The following UNC45A variants were observed in gnomAD, a reference collection of about 807,000 sequenced individuals.
The protein encoded by UNC45A is protein unc-45 homolog A.
A neutral mutation model predicts 103.2 loss-of-function variants in UNC45A; 78 were observed. The observed-to-expected ratio is 0.76, with a 90% CI of 0.63 to 0.91. The LOEUF (loss-of-function observed/expected upper bound fraction) is 0.91, where lower values mean the gene tolerates loss of function less well. Among genes scored for constraint, UNC45A ranks in the 40% least tolerant of loss-of-function variants. UNC45A has a pLI of 0.00. For missense variants in UNC45A, 1,193 were observed against 1,224.8 expected, an observed-to-expected ratio of 0.97 and a Z score of 0.39; for synonymous variants, 495 against 504.6, an observed-to-expected ratio of 0.98 and a Z score of 0.25.
Position 90,935,998 on chromosome 15 carries a change from GC to G in UNC45A, c.250+19del, listed in dbSNP as rs1408728044. On this transcript the variant is annotated intron_variant, in intron 3 of 19. Transcript: ENST00000418476. ...GCATCCAAAGGTAGGGGAATGGTGGGCCCTGGTGTGGAGCTGTAGGGCTTCT... is the reference window on the plus strand; with the variant it reads ...GCATCCAAAGGTAGGGGAATGGTGGGCCTGGTGTGGAGCTGTAGGGCTTCT... 1.2e-6 allele frequency: 2 copies of G among 1,613,954 alleles called. No homozygotes were observed. Among genetic ancestry groups the G allele is most frequent in the African/African-American group, 1.3e-5 (1 of 75,032 alleles).
chr15:90,931,987 G>T (rs868576419), upstream of UNC45A: 2 of 1,613,936 alleles, frequency 1.2e-6, no homozygotes, highest in Middle Eastern at 3.3e-4. Flanking sequence ...TCAGCCAAGG[G>T]TTGCCCATTG....
rs1199422464 is a variant in UNC45A, at chr15:90,948,788, C to T, written c.1872C>T (p.His624=). Residue 624 remains histidine (H), a synonymous_variant, in exon 13 of 20, where the codon CAC becomes CAT. Transcript: ENST00000418476. ...KYAKQHVPEQ[H]PKDKPSFVRA... ...CCAAGCAGCATGTGCCCGAGCAGCA[C>T]CCCAAGGTGAGGGGCCGCCAGAGGG... 3.7e-6 allele frequency: 6 copies of T among 1,604,414 alleles called. No homozygotes were observed. In the Admixed American group the frequency reaches 6.9e-5, roughly 18 times the overall value.
chr15:90,931,741 C>T (rs1253186427), upstream of UNC45A: 7 of 1,614,020 alleles, frequency 4.3e-6, no homozygotes, highest in South Asian at 4.4e-5. Flanking sequence ...TCAGATTGTA[C>T]AGCTTGTCTG....
At position 90,935,445 on chromosome 15, in the gene UNC45A, A is replaced by C. The variant is rs796295629; in HGVS notation, c.51+70A>C. On this transcript the variant is annotated intron_variant, in intron 1 of 19. Transcript: ENST00000418476. ...GACCATCCCTGGCCTCCTTCTCCCC[A>C]TCCATGAGGCTCGCCCCGATCCCTC... The C allele has an allele frequency of 3.2e-6, 5 of 1,570,798 alleles. No homozygotes were observed. The African/African-American group carries it at 6.9e-5, about 22-fold the overall frequency.
upstream of UNC45A, chr15:90,932,161 G>A (rs1348299765): frequency 3.2e-6 from 5 of 1,540,484 alleles, no homozygotes; most frequent in South Asian, 2.5e-5. Context: ...GTCCCAAGGC[G>A]GTGTGTTGTG....
rs1370216230 is a variant in UNC45A, at chr15:90,950,524, G to A, written c.2212G>A (p.Val738Ile). 8.1e-6 allele frequency: 13 copies of A among 1,613,990 alleles called. No homozygotes were observed. Among genetic ancestry groups the A allele is most frequent in the African/African-American group, 1.3e-5 (1 of 74,918 alleles). The change falls in exon 17 of 20, where the codon GTC becomes ATC. Residue 738 changes from valine to isoleucine, a missense_variant. Val to Ile is a conservative substitution (Grantham distance 29, BLOSUM62 3). Transcript: ENST00000418476. ...GATCTATGAGGTGGTCCGGCCCCTCGTCTCCCTGTTGCACCTCAACTGCTC... is the reference window on the plus strand; with the variant it reads ...GATCTATGAGGTGGTCCGGCCCCTCATCTCCCTGTTGCACCTCAACTGCTC... The part of the protein sequence containing the change: ...ERIYEVVRPL[V>I]SLLHLNCSGL...
intron 8 of UNC45A, among the ~76,000 whole-genome samples, chr15:90,943,909 G>T (rs888055132): frequency 6.7e-6 from 1 of 149,032 alleles, no homozygotes; most frequent in African/African-American, 2.5e-5. Context: ...GGCTGGTCTC[G>T]AACTCCTGAC....
rs1056332922 is a variant in UNC45A at position 90,940,194 on chromosome 15, C to A, written c.520-112C>A. ...AGAGGTTATTTTTTGGCCGTGGTCA[C>A]TCAACTGTGAAGTGGAAGCAGAGAG... is the stretch of plus-strand genomic sequence containing the variant. On this transcript the variant is annotated intron_variant, in intron 5 of 19. Transcript: ENST00000418476. 1.6e-5 allele frequency: 20 copies of A among 1,255,050 alleles called. No individual in the cohort carries two copies. The African/African-American group carries it at 2.7e-4, about 17-fold the overall frequency. 77.7% of individuals were successfully genotyped at this position (1,255,050 alleles called of 1,614,324 possible). A position where few individuals can be genotyped will look rare whatever the true frequency, so the allele number is the denominator to read the frequency against.
At chr15:90,939,656 G>C in intron 4 of UNC45A, 75 bp from the exon 5 acceptor site, 1 of 1,505,186 alleles carries the variant, frequency 6.6e-7, no homozygotes, top group South Asian at 1.1e-5. Context: ...TGAGGAGCTG[G>C]AGACAAATGA....
rs141774383 is a variant in UNC45A at position 90,949,715 on chromosome 15, G to A, written c.2068G>A (p.Gly690Ser). The change falls in exon 15 of 20, where the codon GGC becomes AGC. Residue 690 changes from glycine to serine, a missense_variant. Gly to Ser is a moderately conservative substitution (Grantham distance 56). Coordinates refer to ENST00000418476, the MANE Select transcript of UNC45A (RefSeq NM_018671.5). ...DRGTVVAQGGGRALIPLALEG... is the reference protein window; with the variant it reads ...DRGTVVAQGGSRALIPLALEG... ...AGGCACTGTGGTTGCCCAGGGAGGC[G>A]GCAGGGTAAGCTGGTTTACACACCC... is the stretch of plus-strand genomic sequence containing the variant. 58 of 1,614,116 alleles carry A rather than the reference G, an allele frequency of 3.6e-5. No individual in the cohort carries two copies. In the African/African-American group the frequency reaches 5.2e-4, roughly 14 times the overall value.
At position 90,953,273 on chromosome 15, in the gene UNC45A, C is replaced by T; in HGVS notation, c.2540C>T (p.Ser847Phe). 3 of 1,612,808 alleles carry T rather than the reference C, an allele frequency of 1.9e-6. No individual in the cohort carries two copies. The highest frequency in any genetic ancestry group is 2.5e-6 in the Non-Finnish European group (3 of 1,179,750). Residue 847 changes from serine to phenylalanine, a missense_variant, in exon 19 of 20, where the codon TCC (serine) becomes TTC (phenylalanine). By Grantham distance (155) the Ser-to-Phe change is radical. Coordinates refer to ENST00000418476, the MANE Select transcript of UNC45A (RefSeq NM_018671.5). ...GCCGGGGGCTTGGCCATGCTTACCT[C>T]CATGCGGCCCACGCTCTGCAGCCGC... ...AAAGGLAMLT[S>F]MRPTLCSRIP...
intron 16 of UNC45A, 63 bp from the exon 17 acceptor site, chr15:90,950,437 A>C: frequency 1.3e-6 from 2 of 1,567,534 alleles, no homozygotes; most frequent in Non-Finnish European, 1.7e-6. Context: ...TTCTCCCTGC[A>C]GGGTTGGTGG....
In UNC45A at chr15:90,946,863, G is replaced by A; in HGVS notation, c.1449G>A (p.Lys483=). ...FITANGVSLL[K]DLYKCSEKDS... ...CTGCCAATGGTGTCTCGCTGCTGAAGGACCTATATAAGTGCAGCGAGAAGG... is the reference window on the plus strand; with the variant it reads ...CTGCCAATGGTGTCTCGCTGCTGAAAGACCTATATAAGTGCAGCGAGAAGG... The change falls in exon 10 of 20, where the codon AAG becomes AAA. Residue 483 remains lysine (K), a synonymous_variant. Coordinates refer to ENST00000418476, the MANE Select transcript of UNC45A (RefSeq NM_018671.5). The A allele has an allele frequency of 6.2e-7, 1 of 1,613,944 alleles. No homozygotes were observed. Among genetic ancestry groups the A allele is most frequent in the Non-Finnish European group, 8.5e-7 (1 of 1,179,850 alleles).
In UNC45A at chr15:90,950,452, T is replaced by C. The variant is rs142979157; in HGVS notation, c.2188-48T>C. ...TTCTCCCTGCAGGGTTGGTGGGGCT[T>C]GTGGGGGCTGCGGCAAGTACCCCTG... On this transcript the variant is annotated intron_variant, in intron 16 of 19. Transcript: ENST00000418476. The C allele has an allele frequency of 1.5e-3, 2,371 of 1,594,878 alleles. 28 individuals carry two copies. The African/African-American group carries it at 0.024, about 16-fold the overall frequency.
At chr15:90,932,386 C>T, upstream of UNC45A, 1 of 1,217,308 alleles carries the variant, frequency 8.2e-7, no homozygotes, top group Non-Finnish European at 1.1e-6. Flanking sequence ...CAGTCCCCAC[C>T]ACCCAGGTGC....
At chr15:90,932,848 C>T, upstream of UNC45A, 1 of 301,840 alleles carries the variant, frequency 3.3e-6, no homozygotes, top group African/African-American at 2.1e-5. Flanking sequence ...AGGCAGTGGC[C>T]TCACAGTGCT....
intron 10 of UNC45A, 24 bp downstream of exon 10, chr15:90,946,938 G>A: frequency 6.5e-7 from 1 of 1,542,844 alleles, no homozygotes; most frequent in African/African-American, 1.4e-5. Context: ...CCTGGGGTGG[G>A]TGGGCAGGCA....
chr15:90,953,266 C>T lies in UNC45A; in HGVS notation c.2533C>T (p.Leu845Phe), dbSNP rs1389479514. 3.1e-6 allele frequency: 5 copies of T among 1,613,372 alleles called. No homozygotes were observed. Among genetic ancestry groups the T allele is most frequent in the Non-Finnish European group, 3.4e-6 (4 of 1,179,940 alleles). The change falls in exon 19 of 20, where the codon CTT becomes TTT. Residue 845 changes from leucine (L) to phenylalanine (F), a missense_variant. Physicochemically the swap from Leu to Phe is conservative, Grantham distance 22. Transcript: ENST00000418476. ...GGCAGCTGCCGGGGGCTTGGCCATG[C>T]TTACCTCCATGCGGCCCACGCTCTG... ...QRAAAGGLAM[L>F]TSMRPTLCSR...
At chr15:90,948,839 C>T (rs372820121) in intron 13 of UNC45A, 45 bp downstream of exon 13, 2 of 1,475,196 alleles carry the variant, frequency 1.4e-6, no homozygotes, top group Admixed American at 2.2e-5. Flanking sequence ...ACCATGGGGA[C>T]AGCTAACCCA....
Sources: allele counts gnomAD v4.1 joint callset (sites outside exome capture counted in the v4.1 genomes callset), GRCh38; gene constraint gnomAD v4.1.1; transcripts MANE v1.5; gene names NCBI Gene and HGNC (gene_info 2026-07-23, HGNC 2026-07-21).